PCNX3: variants seen among roughly 807,000 people sequenced by gnomAD.
The protein encoded by PCNX3 is pecanex-like protein 3.
PCNX3 carries 58 observed loss-of-function variants against 207.2 expected under a neutral mutation model. That is an observed-to-expected ratio of 0.28 (90% CI 0.23 to 0.35). PCNX3 has a LOEUF of 0.35. PCNX3 is among the 10% of genes least tolerant of loss of function. The pLI is 1.00. For missense variants in PCNX3, 2,410 were observed against 2,774.4 expected (o/e 0.87, Z 2.95); for synonymous variants, 1,337 against 1,183.5 (o/e 1.13, Z -2.66).
intron 32 of PCNX3, 26 bp from the exon 33 acceptor site, chr11:65,636,148 T>A: frequency 6.3e-7 from 1 of 1,586,918 alleles, no homozygotes; most frequent in Non-Finnish European, 8.6e-7. Context: ...TCCCTCCTGA[T>A]CCCTTTTCTA....
Position 65,634,148 on chromosome 11 carries a change from G to T in PCNX3, c.4493G>T (p.Arg1498Leu). The change falls in exon 28 of 35, where the codon CGC becomes CTC. Residue 1498 changes from arginine (R) to leucine (L), a missense_variant. By Grantham distance (102) the Arg-to-Leu change is moderately radical. Transcript: ENST00000355703. ...CAGAGCATCATCTACTACGTGAGCCGCTCACCAAAGCTGGAGGTGTGGCTC... is the reference window on the plus strand; with the variant it reads ...CAGAGCATCATCTACTACGTGAGCCTCTCACCAAAGCTGGAGGTGTGGCTC... ...YVKSIIYYVS[R>L]SPKLEVWLSH... 6.2e-7 allele frequency: 1 copy of T among 1,612,648 alleles called. No individual in the cohort carries two copies. The highest frequency in any genetic ancestry group is 8.5e-7 in the Non-Finnish European group (1 of 1,179,738).
At position 65,616,980 on chromosome 11, in the gene PCNX3, G is replaced by A. The variant is rs1297049013; in HGVS notation, c.310G>A (p.Glu104Lys). 3 of 1,612,546 alleles carry A rather than the reference G, an allele frequency of 1.9e-6. No individual in the cohort carries two copies. Among genetic ancestry groups the A allele is most frequent in the Admixed American group, 3.3e-5 (2 of 59,970 alleles). The change falls in exon 2 of 35, where the codon GAG (glutamate) becomes AAG (lysine). Residue 104 changes from glutamate (E) to lysine (K), a missense_variant. Glu to Lys is a moderately conservative substitution (Grantham distance 56). Around this residue, in one of 8 missense-constraint regions of PCNX3, gnomAD observed 1,104 missense variants for 970.3 expected, o/e 1.14. Transcript: ENST00000355703. ...RSSTMGELEE[E>K]PAQGDSNPPR... Reference sequence around the variant, plus strand: ...CTCTACCATGGGGGAGCTGGAGGAAGAGCCTGCCCAGGGGGACAGCAATCC... The same window carrying A: ...CTCTACCATGGGGGAGCTGGAGGAAAAGCCTGCCCAGGGGGACAGCAATCC...
chr11:65,616,112 C>G lies in PCNX3; in HGVS notation c.-200C>G, dbSNP rs939805424. ...TGCAGCCCCACCCCCGCGTCCGGGC[C>G]TTGCACCACTGACTGTCCCGGCCGG... On this transcript the variant is annotated 5_prime_UTR_variant, in exon 1 of 35. Coordinates refer to ENST00000355703, the MANE Select transcript of PCNX3 (RefSeq NM_032223.4). 3 of 369,608 alleles carry G rather than the reference C, an allele frequency of 8.1e-6. No individual in the cohort carries two copies. The highest frequency in any genetic ancestry group is 1.4e-5 in the Non-Finnish European group (3 of 210,188). The allele number at this position is 369,608 out of a possible 1,614,324, so 22.9% of individuals were successfully genotyped here.
intron 26 of PCNX3, 26 bp downstream of exon 26, chr11:65,629,761 G>A: frequency 3.9e-6 from 6 of 1,547,020 alleles, no homozygotes; most frequent in Non-Finnish European, 5.2e-6. Flanking sequence ...AGGCTCGGGT[G>A]GGCAGGCACA....
chr11:65,627,730 G>T, intron 22 of PCNX3, 148 bp downstream of exon 22: 1 of 988,504 alleles, frequency 1.0e-6, no homozygotes, highest in Non-Finnish European at 1.5e-6. Context: ...TCAAGGAAGG[G>T]GTTACTTCCA....
At position 65,627,042 on chromosome 11, in the gene PCNX3, G is replaced by C. The variant is rs1226760598; in HGVS notation, c.3518G>C (p.Cys1173Ser). The change falls in exon 21 of 35, where the codon TGC becomes TCC. Residue 1173 changes from cysteine (C) to serine (S), a missense_variant. Coordinates refer to ENST00000355703, the MANE Select transcript of PCNX3 (RefSeq NM_032223.4). ...GTCGTCAGCCACCCGGACAAGTACT[G>C]CTTCTAGTGAGGACCACCCCACCCT... ...HTVVSHPDKY[C>S]FYCRALLMTV... 1.3e-6 allele frequency: 2 copies of C among 1,509,848 alleles called. No individual in the cohort carries two copies. Among genetic ancestry groups the C allele is most frequent in the Non-Finnish European group, 8.9e-7 (1 of 1,126,378 alleles). 93.5% of individuals were successfully genotyped at this position (1,509,848 alleles called of 1,614,324 possible). A position where few individuals can be genotyped will look rare whatever the true frequency, so the allele number is the denominator to read the frequency against.
In PCNX3 at chr11:65,630,375, TG is replaced by T; in HGVS notation, c.4243del (p.Glu1415ArgfsTer40). ...GGCACTTACTGCCAGCAGCGCGAGGTGGAGGCTATCACCGAGGGTGTGGAGG... is the reference window on the plus strand; with the variant it reads ...GGCACTTACTGCCAGCAGCGCGAGGTGAGGCTATCACCGAGGGTGTGGAGG... ...FRGTYCQQRE[V>X]EAITEGVEED... On this transcript the variant is annotated frameshift_variant, in exon 27 of 35. Coordinates refer to ENST00000355703, the MANE Select transcript of PCNX3 (RefSeq NM_032223.4). LOFTEE classifies it high-confidence loss of function. 6.2e-7 allele frequency: 1 copy of T among 1,613,128 alleles called. No homozygotes were observed. The highest frequency in any genetic ancestry group is 8.5e-7 in the Non-Finnish European group (1 of 1,179,836).
chr11:65,619,654 C>A lies in PCNX3; in HGVS notation c.1823C>A (p.Pro608Gln). 2.5e-6 allele frequency: 4 copies of A among 1,597,136 alleles called. No homozygotes were observed. Among genetic ancestry groups the A allele is most frequent in the Non-Finnish European group, 3.4e-6 (4 of 1,177,190 alleles). Residue 608 changes from proline to glutamine, a missense_variant, in exon 7 of 35, where the codon CCG becomes CAG. By Grantham distance (76) the Pro-to-Gln change is moderately conservative. Coordinates refer to ENST00000355703, the MANE Select transcript of PCNX3 (RefSeq NM_032223.4). Reference protein sequence around the residue: ...PTPPASVMGSPPSSLQEAQRG... With the variant: ...PTPPASVMGSQPSSLQEAQRG... ...CCTCCAGCCTCTGTCATGGGCTCGCCGCCCAGGTGAGCACCTTGCCAGCTG... is the reference window on the plus strand; with the variant it reads ...CCTCCAGCCTCTGTCATGGGCTCGCAGCCCAGGTGAGCACCTTGCCAGCTG...
intron 27 of PCNX3, among the ~76,000 whole-genome samples, chr11:65,631,741 T>C (rs1175608733): frequency 6.6e-6 from 1 of 151,204 alleles, no homozygotes; most frequent in Non-Finnish European, 1.5e-5. Flanking sequence ...CAGTGCAGGC[T>C]CCCACGTGCC....
At chr11:65,633,334 C>T (rs1027777881) in intron 27 of PCNX3, among the ~76,000 whole-genome samples, 2 of 152,248 alleles carry the variant, frequency 1.3e-5, no homozygotes, top group Non-Finnish European at 2.9e-5. Context: ...GCTTTGGGTA[C>T]CACATGTGCC....
chr11:65,629,018 G>A, intron 24 of PCNX3, 70 bp downstream of exon 24: 8 of 1,577,718 alleles, frequency 5.1e-6, no homozygotes, highest in South Asian at 1.1e-5. Context: ...CCAGGCTGGA[G>A]GCCACCCACA....
rs368804507 is a variant in PCNX3 at position 65,636,377 on chromosome 11, T to A, written c.5594-14T>A. 1 of 1,580,318 alleles carries A rather than the reference T, an allele frequency of 6.3e-7. No homozygotes were observed. Among genetic ancestry groups the A allele is most frequent in the Non-Finnish European group, 8.6e-7 (1 of 1,162,500 alleles). On this transcript the variant is annotated splice_polypyrimidine_tract_variant and intron_variant, in intron 33 of 34. Transcript: ENST00000355703. ...CCCAGCTGAGGCCTCTGCTGTCTTA[T>A]CTGTCTCCTACAGGCAATGGTGACC...
intron 27 of PCNX3, among the ~76,000 whole-genome samples, chr11:65,632,528 G>T (rs945392107): frequency 7.1e-6 from 1 of 140,328 alleles, no homozygotes; most frequent in Admixed American, 7.7e-5. Flanking sequence ...GAGGCTGCAC[G>T]GAGTCTGGGC....
chr11:65,618,987 C>T lies in PCNX3; in HGVS notation c.1625C>T (p.Pro542Leu). ...GCTGCTAGTGAGCCTGTTGTGCTGC[C>T]TGCTGAGGCGCGAAGGGGACCCGCT... ...EQAASEPVVL[P>L]AEARRGPAAN... is the part of the protein sequence containing the mutation. The change falls in exon 6 of 35, where the codon CCT becomes CTT. Residue 542 changes from proline to leucine, a missense_variant. By Grantham distance (98) the Pro-to-Leu change is moderately conservative. Around this residue, in one of 8 missense-constraint regions of PCNX3, gnomAD observed 1,104 missense variants for 970.3 expected, o/e 1.14. Transcript: ENST00000355703. The T allele has an allele frequency of 6.2e-7, 1 of 1,601,130 alleles. No individual in the cohort carries two copies. The highest frequency in any genetic ancestry group is 1.1e-5 in the South Asian group (1 of 90,244).
Position 65,635,478 on chromosome 11 carries a change from T to C in PCNX3, c.5184+30T>C. 6.2e-7 allele frequency: 1 copy of C among 1,607,142 alleles called. No homozygotes were observed. Among genetic ancestry groups the C allele is most frequent in the Non-Finnish European group, 8.5e-7 (1 of 1,177,866 alleles). ...GGCCGGCCCCACCTGCCCTAAGCCC[T>C]GCCCCAAACCCCCTTGGGCCGGCCC... is the stretch of plus-strand genomic sequence containing the variant. On this transcript the variant is annotated intron_variant, in intron 31 of 34. Transcript: ENST00000355703. The surrounding 1 kb of genome is among the most constrained non-coding windows in gnomAD (Gnocchi z 9.9).
rs752128762 is a variant in PCNX3, at chr11:65,626,871, A to T, written c.3380-33A>T. ...TCCTCAGGGAAGGCAGGCATGTGGA[A>T]GCCAGGTGCAGAGTCCTGGCCTCTC... On this transcript the variant is annotated intron_variant, in intron 20 of 34. Coordinates refer to ENST00000355703, the MANE Select transcript of PCNX3 (RefSeq NM_032223.4). 29 of 1,568,018 alleles carry T rather than the reference A, an allele frequency of 1.8e-5. No homozygotes were observed. In the East Asian group the frequency reaches 6.6e-4, roughly 36 times the overall value.
intron 10 of PCNX3, 109 bp downstream of exon 10, chr11:65,621,075 C>A: frequency 7.2e-7 from 1 of 1,394,722 alleles, no homozygotes; most frequent in Non-Finnish European, 9.5e-7. Context: ...GAGGGACGGG[C>A]AGTGCTGAGT....
chr11:65,626,236 T>G lies in PCNX3; in HGVS notation c.3379+182T>G, dbSNP rs546768229. ...GCCCGGCTGCGCTCTCCACCGACTCTTCTCCTCGTGCCCTGCTGTGCCCTT... is the reference window on the plus strand; with the variant it reads ...GCCCGGCTGCGCTCTCCACCGACTCGTCTCCTCGTGCCCTGCTGTGCCCTT... On this transcript the variant is annotated intron_variant, in intron 20 of 34. Transcript: ENST00000355703. 4 of 864,082 alleles carry G rather than the reference T, an allele frequency of 4.6e-6. No individual in the cohort carries two copies. The South Asian group carries it at 5.7e-5, about 12-fold the overall frequency. 53.5% of individuals were successfully genotyped at this position (864,082 alleles called of 1,614,324 possible).
At position 65,625,640 on chromosome 11, in the gene PCNX3, C is replaced by T; in HGVS notation, c.3136-12C>T. The T allele has an allele frequency of 6.2e-7, 1 of 1,611,684 alleles. No individual in the cohort carries two copies. Among genetic ancestry groups the T allele is most frequent in the Non-Finnish European group, 8.5e-7 (1 of 1,178,936 alleles). On this transcript the variant is annotated splice_polypyrimidine_tract_variant and intron_variant, in intron 18 of 34. Coordinates refer to ENST00000355703, the MANE Select transcript of PCNX3 (RefSeq NM_032223.4). The surrounding 1 kb of genome is among the most constrained non-coding windows in gnomAD (Gnocchi z 5.6). ...CTGGCCGGGCAGCTGAATGTCTCTC[C>T]TGGCCCTGCAGCGTGAGGTCTTGCA...
Sources: allele counts gnomAD v4.1 joint callset (sites outside exome capture counted in the v4.1 genomes callset), GRCh38; gene constraint gnomAD v4.1.1; regional missense constraint gnomAD v4.1.1; non-coding constraint Gnocchi (gnomAD v3.1); transcripts MANE v1.5; gene names NCBI Gene and HGNC (gene_info 2026-07-23, HGNC 2026-07-21).